WDPCP: variants seen among roughly 807,000 people sequenced by gnomAD.
WDPCP encodes WD repeat-containing and planar cell polarity effector protein fritz homolog.
WDPCP carries 71 observed loss-of-function variants against 93.1 expected under a neutral mutation model. The observed-to-expected ratio is 0.76, with a 90% CI of 0.63 to 0.93. The LOEUF is 0.93. Ranked by LOEUF, WDPCP falls within the 40% of genes least tolerant of loss-of-function variation. The probability of loss-of-function intolerance (pLI) is 0.00; values close to 1 mark genes in which losing one functional copy is unlikely to be tolerated. For synonymous variants in WDPCP, 315 were observed against 315.0 expected (o/e 1.00, Z 0.00); for missense variants, 844 against 887.4 (o/e 0.95, Z 0.62).
intron 9 of WDPCP, among the ~76,000 whole-genome samples, chr2:63,420,190 T>C (rs1695737596): frequency 6.6e-6 from 1 of 151,556 alleles, no homozygotes; most frequent in South Asian, 2.1e-4. Context: ...TGAAAACCAG[T>C]TTCATGAAAT....
intron 14 of WDPCP, among the ~76,000 whole-genome samples, chr2:63,186,416 A>G (rs1674644672): frequency 6.6e-6 from 1 of 152,170 alleles, no homozygotes. Flanking sequence ...GCCCATGGCT[A>G]CTGTTGCCAG....
At chr2:63,426,680 A>G (rs1352240029) in intron 9 of WDPCP, among the ~76,000 whole-genome samples, 1 of 152,220 alleles carries the variant, frequency 6.6e-6, no homozygotes, top group Non-Finnish European at 1.5e-5. Flanking sequence ...ACCAGCTAGT[A>G]ACACAATGAC....
At chr2:63,293,404 C>T (rs1424905784) in intron 13 of WDPCP, among the ~76,000 whole-genome samples, 1 of 152,002 alleles carries the variant, frequency 6.6e-6, no homozygotes, top group Non-Finnish European at 1.5e-5. Context: ...ACAGCAAACC[C>T]TGGAGAAGGA....
chr2:63,166,389 G>C (rs1672980743), intron 15 of WDPCP, among the ~76,000 whole-genome samples: 1 of 149,262 alleles, frequency 6.7e-6, no homozygotes, highest in Non-Finnish European at 1.5e-5. Flanking sequence ...TGGATACGTA[G>C]TAGGTGTATA....
chr2:63,386,846 G>C (rs1476572400), intron 10 of WDPCP, among the ~76,000 whole-genome samples: 1 of 151,940 alleles, frequency 6.6e-6, no homozygotes, highest in African/African-American at 2.4e-5. Flanking sequence ...AACCCTCAGA[G>C]GATATTAGGA....
intron 13 of WDPCP, among the ~76,000 whole-genome samples, chr2:63,268,812 T>C (rs1412993423): frequency 6.6e-6 from 1 of 152,250 alleles, no homozygotes; most frequent in South Asian, 2.1e-4. Context: ...GTTATGATCA[T>C]AAAAAATAAA....
At chr2:63,525,065 A>C (rs993540182) in intron 1 of WDPCP, among the ~76,000 whole-genome samples, 12 of 152,048 alleles carry the variant, frequency 7.9e-5, no homozygotes, top group South Asian at 2.1e-4. Context: ...TACTCAGCCC[A>C]AAAAAAAGAA....
intron 2 of WDPCP, among the ~76,000 whole-genome samples, chr2:63,690,217 G>T (rs1668870296): frequency 6.6e-6 from 1 of 152,186 alleles, no homozygotes; most frequent in Non-Finnish European, 1.5e-5. Flanking sequence ...AATTTCCCAT[G>T]AAGTAGATTG....
intron 10 of WDPCP, among the ~76,000 whole-genome samples, chr2:63,389,533 T>C (rs1460661211): frequency 6.6e-6 from 1 of 152,050 alleles, no homozygotes; most frequent in African/African-American, 2.4e-5. Context: ...CAGGATCACA[T>C]TCACACATAA....
chr2:63,785,991 T>C (rs1670462548), intron 2 of WDPCP, among the ~76,000 whole-genome samples: 1 of 152,136 alleles, frequency 6.6e-6, no homozygotes, highest in Non-Finnish European at 1.5e-5. Flanking sequence ...GAGTTATGTG[T>C]TTTCCACAGA....
intron 2 of WDPCP, among the ~76,000 whole-genome samples, chr2:63,492,385 T>C (rs1199688756): frequency 1.3e-5 from 2 of 152,010 alleles, no homozygotes; most frequent in Non-Finnish European, 2.9e-5. Flanking sequence ...TAATATCAAA[T>C]AGAAATGCCT....
At chr2:63,681,785 G>A (rs1265784024) in intron 2 of WDPCP, among the ~76,000 whole-genome samples, 1 of 152,204 alleles carries the variant, frequency 6.6e-6, no homozygotes, top group Non-Finnish European at 1.5e-5. Flanking sequence ...AGCAGTGGTG[G>A]CCACAGTGGT....
intron 2 of WDPCP, chr2:63,717,839 C>A: frequency 4.3e-6 from 1 of 235,096 alleles, no homozygotes; most frequent in Non-Finnish European, 8.4e-6. Flanking sequence ...GAGCCCGAGG[C>A]CTCCCTCTAG....
At chr2:63,423,834 T>A (rs1057379374) in intron 9 of WDPCP, among the ~76,000 whole-genome samples, 3 of 152,070 alleles carry the variant, frequency 2.0e-5, no homozygotes, top group African/African-American at 4.8e-5. Context: ...ATTAAAAGTA[T>A]GTGGAGATTA....
chr2:63,328,068 A>C lies in WDPCP; in HGVS notation c.1749-14757T>G, dbSNP rs561244118. ...AGAGAGGGGATTGAGAGGTGAAGCCAGCTGGGCTTCTGGGTTGGTTGGGGA... is the reference window on the plus strand; with the variant it reads ...AGAGAGGGGATTGAGAGGTGAAGCCCGCTGGGCTTCTGGGTTGGTTGGGGA... On this transcript the variant is annotated intron_variant, in intron 12 of 17. Coordinates refer to ENST00000272321, the MANE Select transcript of WDPCP (RefSeq NM_015910.7). 2.6e-5 allele frequency among the ~76,000 whole-genome samples: 4 copies of C among 152,218 alleles called. No individual in the cohort carries two copies. The East Asian group carries it at 7.7e-4, about 29-fold the overall frequency.
chr2:63,293,072 T>C (rs991081596), intron 13 of WDPCP, among the ~76,000 whole-genome samples: 3 of 152,168 alleles, frequency 2.0e-5, no homozygotes, highest in African/African-American at 7.2e-5. Context: ...GCAGGGCACC[T>C]GACCCCTCAT....
chr2:63,760,106 C>T (rs536112983), intron 2 of WDPCP, among the ~76,000 whole-genome samples: 1 of 152,170 alleles, frequency 6.6e-6, no homozygotes, highest in African/African-American at 2.4e-5. Flanking sequence ...CTCCAAGCCC[C>T]AAGTACGTGC....
At chr2:63,281,121 A>C (rs1014463013) in intron 13 of WDPCP, among the ~76,000 whole-genome samples, 10 of 152,194 alleles carry the variant, frequency 6.6e-5, no homozygotes, top group Admixed American at 2.0e-4. Flanking sequence ...AAAGAACTCA[A>C]ATCAGCAAGA....
chr2:63,663,426 G>T, intron 2 of WDPCP, among the ~76,000 whole-genome samples: 1 of 152,220 alleles, frequency 6.6e-6, no homozygotes, highest in Non-Finnish European at 1.5e-5. Flanking sequence ...ATAACTGGAA[G>T]GAAACATCAG....
Sources: gnomAD v4.1 joint callset for allele counts (sites outside exome capture counted in the v4.1 genomes callset) on GRCh38, gnomAD v4.1.1 for gene constraint, MANE v1.5 for transcripts, NCBI Gene and HGNC (gene_info 2026-07-23, HGNC 2026-07-21) for gene names.